The following KIAA1217 variants were observed in gnomAD, a reference collection of about 807,000 sequenced individuals.
KIAA1217 encodes the protein sickle tail protein homolog.
Under a neutral mutation model 163.9 loss-of-function variants are expected in KIAA1217, and 88 were observed. The ratio of observed to expected loss-of-function variants is 0.54; its 90% CI spans 0.45 to 0.64. The LOEUF (loss-of-function observed/expected upper bound fraction) is 0.64. Ranked by LOEUF, KIAA1217 falls within the 30% of genes least tolerant of loss-of-function variation. The pLI is 0.00. For synonymous variants in KIAA1217, 903 were observed against 923.1 expected (o/e 0.98, Z 0.39); for missense variants, 2,372 against 2,475.0 (o/e 0.96, Z 0.88).
In KIAA1217 at chr10:24,407,672, C is replaced by T. The variant is rs578125067; in HGVS notation, c.554-25323C>T. On this transcript the variant is annotated intron_variant, in intron 3 of 20. Coordinates refer to ENST00000376454, the MANE Select transcript of KIAA1217 (RefSeq NM_019590.5). ...ATCAGAAAGAAGAAACTCATCAAAA[C>T]GAAGGCAGACATGGCCATAATATTC... Among the ~76,000 whole-genome samples the T allele has an allele frequency of 8.5e-5, 13 of 152,146 alleles. No homozygotes were observed. In the South Asian group the frequency reaches 1.2e-3, roughly 15 times the overall value.
At chr10:23,911,318 A>T (rs186578504) in intron 1 of KIAA1217, among the ~76,000 whole-genome samples, 1 of 152,254 alleles carries the variant, frequency 6.6e-6, no homozygotes, top group Non-Finnish European at 1.5e-5. Context: ...TCCCTTTGAG[A>T]TACTAGGATA....
intron 2 of KIAA1217, among the ~76,000 whole-genome samples, chr10:24,264,836 CCTTTCTCT>C (rs1178540714): frequency 3.1e-5 from 4 of 130,316 alleles, no homozygotes; most frequent in East Asian, 2.3e-4. Flanking sequence ...TCCCTTTCTC[CCTTTCTCT>C]CTTTCTCTGT....
At chr10:23,894,097 T>C (rs1379384836) in intron 1 of KIAA1217, among the ~76,000 whole-genome samples, 1 of 151,124 alleles carries the variant, frequency 6.6e-6, no homozygotes, top group African/African-American at 2.4e-5. Context: ...GGATGCCCTC[T>C]CTCACCACTC....
chr10:24,170,436 G>A (rs1057166235), intron 2 of KIAA1217, among the ~76,000 whole-genome samples: 6 of 152,178 alleles, frequency 3.9e-5, no homozygotes, highest in Middle Eastern at 3.2e-3. Flanking sequence ...AATTTGCCTC[G>A]TTTGGGAACT....
chr10:24,505,594 C>T (rs141071192), intron 9 of KIAA1217, among the ~76,000 whole-genome samples: 70 of 152,136 alleles, frequency 4.6e-4, no homozygotes, highest in African/African-American at 1.6e-3. Flanking sequence ...AGAGAAGCTT[C>T]TGGAAGAGAT....
At chr10:24,069,690 G>C (rs1287048202) in intron 2 of KIAA1217, among the ~76,000 whole-genome samples, 1 of 152,108 alleles carries the variant, frequency 6.6e-6, no homozygotes, top group Non-Finnish European at 1.5e-5. Context: ...CTCTAAACTA[G>C]TTCCTGGAAT....
intron 3 of KIAA1217, among the ~76,000 whole-genome samples, chr10:24,397,227 C>T (rs1191092401): frequency 6.7e-6 from 1 of 148,342 alleles, no homozygotes; most frequent in Non-Finnish European, 1.5e-5. Flanking sequence ...ATTCTCCTGT[C>T]TACAGGCATG....
chr10:24,431,339 T>A (rs2059589828), intron 3 of KIAA1217, among the ~76,000 whole-genome samples: 2 of 152,326 alleles, frequency 1.3e-5, no homozygotes, highest in African/African-American at 4.8e-5. Context: ...ATTGTGGATA[T>A]CCTGTTTCAG....
At chr10:24,352,956 C>T (rs554491230) in intron 2 of KIAA1217, among the ~76,000 whole-genome samples, 1 of 151,960 alleles carries the variant, frequency 6.6e-6, no homozygotes, top group Non-Finnish European at 1.5e-5. Context: ...TCCTTATGGG[C>T]TTCCCTAAGT....
chr10:24,469,704 C>T lies in KIAA1217; in HGVS notation c.847-3524C>T, dbSNP rs182763216. ...TCGGCTCACTGCAACCTCCACCTCC[C>T]GGGTTCAAGCAATTCTCCTGCCTCA... On this transcript the variant is annotated intron_variant, in intron 5 of 20. Transcript: ENST00000376454. Among the ~76,000 whole-genome samples the T allele has an allele frequency of 6.1e-3, 935 of 152,174 alleles. 15 individuals are homozygous for T. The highest frequency in any genetic ancestry group is 0.021 in the African/African-American group (885 of 41,514).
At chr10:24,174,422 T>C (rs1195132964) in intron 2 of KIAA1217, among the ~76,000 whole-genome samples, 1 of 152,208 alleles carries the variant, frequency 6.6e-6, no homozygotes, top group African/African-American at 2.4e-5. Flanking sequence ...ATGTGCATGC[T>C]TGTGGACACA....
intron 8 of KIAA1217, among the ~76,000 whole-genome samples, chr10:24,497,736 A>AT (rs2066986556): frequency 6.7e-6 from 1 of 148,718 alleles, no homozygotes; most frequent in African/African-American, 2.5e-5. Context: ...AAAAAAAAAA[A>AT]GTGACAGCCT....
At chr10:24,309,486 T>A (rs11014020) in intron 2 of KIAA1217, among the ~76,000 whole-genome samples, 1 of 152,010 alleles carries the variant, frequency 6.6e-6, no homozygotes, top group African/African-American at 2.4e-5. Context: ...AGTGAACCCC[T>A]TTAACCTTTC....
intron 1 of KIAA1217, among the ~76,000 whole-genome samples, chr10:23,859,169 A>T (rs1223314492): frequency 6.6e-6 from 1 of 152,208 alleles, no homozygotes; most frequent in African/African-American, 2.4e-5. Context: ...TATGTATAAC[A>T]TGTGAAACTT....
At chr10:23,987,252 C>T (rs1846012168) in intron 1 of KIAA1217, among the ~76,000 whole-genome samples, 1 of 151,396 alleles carries the variant, frequency 6.6e-6, no homozygotes, top group Non-Finnish European at 1.5e-5. Context: ...TGGTGGACGC[C>T]TGTAGTCCCA....
At chr10:24,290,673 G>T (rs1031568987) in intron 2 of KIAA1217, among the ~76,000 whole-genome samples, 1 of 148,710 alleles carries the variant, frequency 6.7e-6, no homozygotes, top group Non-Finnish European at 1.5e-5. Flanking sequence ...GTGTGATCTC[G>T]GCTCACTGCG....
At chr10:23,786,530 G>T (rs1024759211) in intron 1 of KIAA1217, among the ~76,000 whole-genome samples, 1 of 136,880 alleles carries the variant, frequency 7.3e-6, no homozygotes, top group Non-Finnish European at 1.5e-5. Context: ...AGTCTATTCA[G>T]AAGTAGCCAA....
At chr10:24,251,950 T>C (rs1303541972) in intron 2 of KIAA1217, among the ~76,000 whole-genome samples, 1 of 151,472 alleles carries the variant, frequency 6.6e-6, no homozygotes, top group South Asian at 2.1e-4. Flanking sequence ...TGAGAAGTAC[T>C]TAACCCAGCA....
At chr10:24,422,901 C>CTTTTTTTTTTTTTTTT (rs58161228) in intron 3 of KIAA1217, among the ~76,000 whole-genome samples, 6 of 120,622 alleles carry the variant, frequency 5.0e-5, no homozygotes, top group Non-Finnish European at 8.7e-5. Context: ...ATAGATTTAA[C>CTTTTTTTTTTTTTTTT]TTTTTTTTTT....
Sources: gnomAD v4.1 joint callset for allele counts (sites outside exome capture counted in the v4.1 genomes callset) on GRCh38, gnomAD v4.1.1 for gene constraint, MANE v1.5 for transcripts, NCBI Gene and HGNC (gene_info 2026-07-23, HGNC 2026-07-21) for gene names.